The following ARNT2 variants were observed in gnomAD, a reference collection of about 807,000 sequenced individuals.
The protein encoded by ARNT2 is aryl hydrocarbon receptor nuclear translocator 2, also known as ARNT protein 2.
Under a neutral mutation model 91.7 loss-of-function variants are expected in ARNT2, and 36 were observed. That is an observed-to-expected ratio of 0.39 (90% CI 0.30 to 0.52). The LOEUF is 0.52. Among genes scored for constraint, ARNT2 ranks in the 20% least tolerant of loss-of-function variants. The pLI is 0.72. For synonymous variants in ARNT2, 365 were observed against 347.1 expected (o/e 1.05, Z -0.57); for missense variants, 775 against 939.3 (o/e 0.83, Z 2.29).
chr15:80,431,961 G>A (rs935685110), intron 1 of ARNT2, among the ~76,000 whole-genome samples: 12 of 152,168 alleles, frequency 7.9e-5, no homozygotes, highest in Non-Finnish European at 1.5e-4. Flanking sequence ...GCCCAGGGCC[G>A]CTCCTCCTTT....
At chr15:80,417,799 G>A (rs967469144) in intron 1 of ARNT2, among the ~76,000 whole-genome samples, 4 of 152,176 alleles carry the variant, frequency 2.6e-5, no homozygotes, top group East Asian at 3.8e-4. Flanking sequence ...TGTGAAATGA[G>A]GTGGCTCCTC....
At chr15:80,565,720 A>C (rs1437302728) in intron 12 of ARNT2, among the ~76,000 whole-genome samples, 2 of 150,706 alleles carry the variant, frequency 1.3e-5, no homozygotes, top group Non-Finnish European at 3.0e-5. Flanking sequence ...CCCACTTTTT[A>C]ATGGGATTTG....
chr15:80,495,156 A>G (rs1325267776), intron 5 of ARNT2, among the ~76,000 whole-genome samples: 1 of 151,982 alleles, frequency 6.6e-6, no homozygotes, highest in African/African-American at 2.4e-5. Flanking sequence ...CCCAAACCCC[A>G]GCCGCCATCT....
chr15:80,528,016 A>G (rs983597222), intron 8 of ARNT2, among the ~76,000 whole-genome samples: 2 of 152,288 alleles, frequency 1.3e-5, no homozygotes, highest in East Asian at 3.9e-4. Context: ...AAGGGAGAGG[A>G]GGGACAGGAA....
At chr15:80,513,203 T>A (rs1897371354) in intron 6 of ARNT2, among the ~76,000 whole-genome samples, 3 of 152,144 alleles carry the variant, frequency 2.0e-5, no homozygotes, top group Non-Finnish European at 4.4e-5. Flanking sequence ...TGGTGCAGGC[T>A]TTGGGTGTTC....
At chr15:80,589,772 G>A (rs553170677) in intron 17 of ARNT2, among the ~76,000 whole-genome samples, 26 of 152,334 alleles carry the variant, frequency 1.7e-4, no homozygotes, top group South Asian at 1.7e-3. Flanking sequence ...CAGTCGACAC[G>A]ATTCTATGAA....
chr15:80,565,120 T>C (rs1898454535), intron 12 of ARNT2, among the ~76,000 whole-genome samples: 1 of 152,068 alleles, frequency 6.6e-6, no homozygotes, highest in African/African-American at 2.4e-5. Flanking sequence ...AGATGGGGTT[T>C]TGCCATGTTG....
chr15:80,571,685 C>T (rs1044913272), intron 12 of ARNT2, among the ~76,000 whole-genome samples: 2 of 152,204 alleles, frequency 1.3e-5, no homozygotes, highest in Non-Finnish European at 2.9e-5. Context: ...TGCTCACTCC[C>T]CCTGTCCCTT....
chr15:80,593,166 T>C (rs960840333), intron 18 of ARNT2, among the ~76,000 whole-genome samples: 1 of 152,248 alleles, frequency 6.6e-6, no homozygotes, highest in Non-Finnish European at 1.5e-5. Flanking sequence ...GTCCCTGCGC[T>C]AAGATAAACA....
intron 2 of ARNT2, among the ~76,000 whole-genome samples, chr15:80,453,939 C>G (rs1896443038): frequency 6.6e-6 from 1 of 152,204 alleles, no homozygotes; most frequent in Admixed American, 6.5e-5. Context: ...GGATAACCCC[C>G]CTTCCCACCC....
At chr15:80,519,481 C>T (rs1897498085) in intron 8 of ARNT2, among the ~76,000 whole-genome samples, 2 of 152,126 alleles carry the variant, frequency 1.3e-5, no homozygotes, top group South Asian at 4.1e-4. Context: ...ATAACATAAA[C>T]AGTAGAGCAG....
intron 1 of ARNT2, among the ~76,000 whole-genome samples, chr15:80,444,072 A>G (rs1896242099): frequency 1.3e-5 from 2 of 152,326 alleles, no homozygotes; most frequent in South Asian, 4.1e-4. Flanking sequence ...CCTCAGCTGC[A>G]TGGGGAAATC....
intron 8 of ARNT2, among the ~76,000 whole-genome samples, chr15:80,523,519 G>A (rs1337480984): frequency 6.6e-6 from 1 of 152,200 alleles, no homozygotes; most frequent in African/African-American, 2.4e-5. Context: ...GCCATTCCAA[G>A]GTGACCATCT....
intron 1 of ARNT2, among the ~76,000 whole-genome samples, chr15:80,410,839 T>A (rs1462816807): frequency 1.3e-5 from 2 of 151,156 alleles, no homozygotes; most frequent in African/African-American, 4.9e-5. Context: ...ATCATCTGTC[T>A]ACCATCTCTC....
intron 3 of ARNT2, among the ~76,000 whole-genome samples, chr15:80,469,327 T>C (rs1896701473): frequency 5.9e-5 from 9 of 152,124 alleles, no homozygotes; most frequent in Admixed American, 5.9e-4. Context: ...TATTGTTTCA[T>C]AAGCCAGGGG....
chr15:80,514,746 C>T (rs1038196606), intron 8 of ARNT2, among the ~76,000 whole-genome samples: 3 of 152,030 alleles, frequency 2.0e-5, no homozygotes, highest in Admixed American at 1.3e-4. Flanking sequence ...ATTAGCTGGG[C>T]GTGGTGGCGG....
In ARNT2 at chr15:80,595,723, A is replaced by G. The variant is rs2141492602; in HGVS notation, c.*2025A>G. On this transcript the variant is annotated 3_prime_UTR_variant, in exon 19 of 19. Transcript: ENST00000303329. ...TGCATGCAGTGTTCACTCCAACCTC[A>G]GAGGCTTTCTTGCTTCTGGGGAAAT... 6.6e-6 allele frequency: 1 copy of G among 152,356 alleles called. No homozygotes were observed. Among genetic ancestry groups the G allele is most frequent in the South Asian group, 2.1e-4 (1 of 4,824 alleles). 9.4% of individuals were successfully genotyped at this position (152,356 alleles called of 1,614,324 possible).
chr15:80,413,804 G>A (rs1465121450), intron 1 of ARNT2, among the ~76,000 whole-genome samples: 1 of 152,190 alleles, frequency 6.6e-6, no homozygotes, highest in Non-Finnish European at 1.5e-5. Context: ...CCTTACTGGT[G>A]GCTGAGCGAG....
chr15:80,585,080 G>C (rs776119791), intron 17 of ARNT2, among the ~76,000 whole-genome samples: 1 of 152,226 alleles, frequency 6.6e-6, no homozygotes, highest in Non-Finnish European at 1.5e-5. Context: ...ACACATGCTG[G>C]TTTTGTTCAA....
Sources: gnomAD v4.1 joint callset for allele counts (sites outside exome capture counted in the v4.1 genomes callset) on GRCh38, gnomAD v4.1.1 for gene constraint, MANE v1.5 for transcripts, NCBI Gene and HGNC (gene_info 2026-07-23, HGNC 2026-07-21) for gene names.